Variants in TRPC4 observed in about 807,000 individuals in gnomAD.
TRPC4 encodes transient receptor potential cation channel subfamily C member 4, also known as short transient receptor potential channel 4.
TRPC4 carries 49 observed loss-of-function variants against 99.4 expected under a neutral mutation model. That is an observed-to-expected ratio of 0.49 (90% CI 0.39 to 0.63). The LOEUF (loss-of-function observed/expected upper bound fraction) is 0.63, where lower values mean the gene tolerates loss of function less well. TRPC4 is among the 20% of genes least tolerant of loss of function. The pLI, the probability that TRPC4 is intolerant of heterozygous loss-of-function variation, is 0.00. For missense variants in TRPC4, 898 were observed against 1,152.9 expected (o/e 0.78, Z 3.20); for synonymous variants, 454 against 425.9 (o/e 1.07, Z -0.81).
intron 5 of TRPC4, among the ~76,000 whole-genome samples, chr13:37,667,476 T>A (rs1952683807): frequency 6.6e-6 from 1 of 152,130 alleles, no homozygotes; most frequent in Non-Finnish European, 1.5e-5. Context: ...CCAGCTAATT[T>A]TTACATTTTT....
chr13:37,694,011 T>A (rs9548023), intron 3 of TRPC4, among the ~76,000 whole-genome samples: 5,614 of 152,096 alleles, frequency 0.037, 152 homozygotes, highest in Admixed American at 0.061. Flanking sequence ...CAAAATAGAG[T>A]TTTTGCTTAT....
rs67611413 is a variant in TRPC4 at position 37,698,167 on chromosome 13, C to CTTTTTTTTTTTTTTTTTTTTTTTTTTTT, written c.898-5833_898-5832insAAAAAAAAAAAAAAAAAAAAAAAAAAAA. Among the ~76,000 whole-genome samples, 320 of 42,560 alleles carry CTTTTTTTTTTTTTTTTTTTTTTTTTTTT rather than the reference C, an allele frequency of 7.5e-3. 138 individuals carry two copies. The highest frequency in any genetic ancestry group is 0.021 in the East Asian group (21 of 1,024). 27.9% of individuals were successfully genotyped at this position (42,560 alleles called of 152,430 possible). A position where few individuals can be genotyped will look rare whatever the true frequency, so the allele number is the denominator to read the frequency against. ...TCTCAAGGTTACTCCAAGGACTAACCTTTTTTTTTTTGAGTGGGAATCTCA... is the reference window on the plus strand; with the variant it reads ...TCTCAAGGTTACTCCAAGGACTAACCTTTTTTTTTTTTTTTTTTTTTTTTTTTTTTTTTTTTTTTGAGTGGGAATCTCA... On this transcript the variant is annotated intron_variant, in intron 3 of 10. Coordinates refer to ENST00000379705, the MANE Select transcript of TRPC4 (RefSeq NM_016179.4).
At chr13:37,820,768 G>A (rs1343459037) in intron 1 of TRPC4, among the ~76,000 whole-genome samples, 1 of 151,940 alleles carries the variant, frequency 6.6e-6, no homozygotes, top group African/African-American at 2.4e-5. Context: ...AACAAACTAG[G>A]CATTGAAGGA....
chr13:37,714,329 G>A (rs755913646), intron 3 of TRPC4, among the ~76,000 whole-genome samples: 8 of 152,096 alleles, frequency 5.3e-5, no homozygotes, highest in African/African-American at 9.6e-5. Context: ...GTTTCACCAC[G>A]TTCACAAGAC....
In TRPC4 at chr13:37,675,766, C is replaced by A. The variant is rs117973885; in HGVS notation, c.1235-1399G>T. On this transcript the variant is annotated intron_variant, in intron 4 of 10. Coordinates refer to ENST00000379705, the MANE Select transcript of TRPC4 (RefSeq NM_016179.4). The stretch of plus-strand genomic sequence containing the variant: ...GCATCGATCATGGAGAAAGTTCCAT[C>A]CCTAGCAGTCAGATATAGGCCTGCC... Among the ~76,000 whole-genome samples the A allele has an allele frequency of 8.5e-3, 1,288 of 152,228 alleles. 13 individuals carry two copies. The highest frequency in any genetic ancestry group is 0.011 in the Non-Finnish European group (741 of 68,020).
chr13:37,843,221 G>A (rs1188665252), intron 1 of TRPC4, among the ~76,000 whole-genome samples: 14 of 152,158 alleles, frequency 9.2e-5, no homozygotes, highest in Admixed American at 9.2e-4. Context: ...GATGTTTTAT[G>A]AGGGTAATAA....
intron 5 of TRPC4, among the ~76,000 whole-genome samples, chr13:37,666,703 C>G (rs557440961): frequency 3.3e-5 from 5 of 152,162 alleles, no homozygotes; most frequent in Non-Finnish European, 7.4e-5. Flanking sequence ...TTTGCCTCTG[C>G]TATTTAGGAG....
intron 1 of TRPC4, among the ~76,000 whole-genome samples, chr13:37,804,366 A>G (rs1244461381): frequency 6.6e-6 from 1 of 152,106 alleles, no homozygotes; most frequent in African/African-American, 2.4e-5. Context: ...AGTAAGTGAT[A>G]TGAACCAAGG....
intron 1 of TRPC4, among the ~76,000 whole-genome samples, chr13:37,857,750 A>C (rs1218005797): frequency 6.6e-6 from 1 of 151,798 alleles, no homozygotes; most frequent in Non-Finnish European, 1.5e-5. Context: ...ATCTCATCAT[A>C]TACAAAAATC....
chr13:37,696,534 G>A (rs1953910215), intron 3 of TRPC4, among the ~76,000 whole-genome samples: 1 of 152,156 alleles, frequency 6.6e-6, no homozygotes, highest in Non-Finnish European at 1.5e-5. Flanking sequence ...TCTATAGGAA[G>A]AAAATCCAAA....
intron 3 of TRPC4, among the ~76,000 whole-genome samples, chr13:37,742,859 C>A (rs9532113): frequency 6.6e-6 from 1 of 151,992 alleles, no homozygotes; most frequent in East Asian, 1.9e-4. Context: ...AGAATACATG[C>A]GGTAAAACAC....
intron 3 of TRPC4, among the ~76,000 whole-genome samples, chr13:37,711,259 T>G (rs1474791165): frequency 6.6e-6 from 1 of 152,020 alleles, no homozygotes; most frequent in Admixed American, 6.6e-5. Context: ...CCATGAATTA[T>G]TTTAACATCA....
intron 1 of TRPC4, among the ~76,000 whole-genome samples, chr13:37,827,060 C>T (rs1475286663): frequency 5.3e-5 from 8 of 152,074 alleles, no homozygotes; most frequent in South Asian, 2.1e-4. Context: ...TCCAGTTGAT[C>T]GCATCGGCTC....
At position 37,782,973 on chromosome 13, in the gene TRPC4, G is replaced by T; in HGVS notation, c.361C>A (p.Pro121Thr). Residue 121 changes from proline (P) to threonine (T), a missense_variant, in exon 2 of 11, where the codon CCT (proline) becomes ACT (threonine). Pro to Thr is a conservative substitution (Grantham distance 38, BLOSUM62 -1). Around this residue, in one of 3 missense-constraint regions of TRPC4, gnomAD observed 278 missense variants for 346.6 expected, o/e 0.80. Transcript: ENST00000379705. ...AVELLLNHKK[P>T]SGEKQVPPIL... ...GCAGGTACCTGTTTTTCTCCACTAG[G>T]TTTTTTGTGGTTCAATAACAGCTCA... The T allele has an allele frequency of 6.7e-7, 1 of 1,488,792 alleles. No individual in the cohort carries two copies. The highest frequency in any genetic ancestry group is 2.3e-5 in the East Asian group (1 of 42,868). 92.2% of individuals were successfully genotyped at this position (1,488,792 alleles called of 1,614,324 possible). A position where few individuals can be genotyped will look rare whatever the true frequency, so the allele number is the denominator to read the frequency against.
chr13:37,704,125 C>T (rs188419234), intron 3 of TRPC4, among the ~76,000 whole-genome samples: 1 of 152,204 alleles, frequency 6.6e-6, no homozygotes, highest in East Asian at 1.9e-4. Context: ...AGAACACATA[C>T]TGTATAATCC....
intron 1 of TRPC4, among the ~76,000 whole-genome samples, chr13:37,790,734 A>C (rs1164667413): frequency 6.6e-6 from 1 of 151,888 alleles, no homozygotes; most frequent in Non-Finnish European, 1.5e-5. Context: ...AGGCCAGAAA[A>C]CTCGGTATAT....
At chr13:37,831,381 A>G (rs1368878674) in intron 1 of TRPC4, among the ~76,000 whole-genome samples, 1 of 152,234 alleles carries the variant, frequency 6.6e-6, no homozygotes, top group Non-Finnish European at 1.5e-5. Context: ...ATGATGAAAG[A>G]TAACTAGTAT....
chr13:37,811,473 G>A (rs1957683405), intron 1 of TRPC4, among the ~76,000 whole-genome samples: 1 of 152,124 alleles, frequency 6.6e-6, no homozygotes, highest in African/African-American at 2.4e-5. Flanking sequence ...AAATTCAGGT[G>A]GAGCCTTTCA....
chr13:37,756,461 TAAGAG>T (rs1404067203), intron 2 of TRPC4, among the ~76,000 whole-genome samples: 5 of 152,016 alleles, frequency 3.3e-5, no homozygotes, highest in Non-Finnish European at 7.4e-5. Flanking sequence ...GACTGGTGGA[TAAGAG>T]AAAAGACTTG....
Sources: allele counts gnomAD v4.1 joint callset (sites outside exome capture counted in the v4.1 genomes callset), GRCh38; gene constraint gnomAD v4.1.1; regional missense constraint gnomAD v4.1.1; transcripts MANE v1.5; gene names NCBI Gene and HGNC (gene_info 2026-07-23, HGNC 2026-07-21).